Variants in KIAA1549L observed in about 807,000 individuals in gnomAD.
The protein encoded by KIAA1549L is KIAA1549 like, also known as UPF0606 protein KIAA1549L.
KIAA1549L carries 88 observed loss-of-function variants against 160.7 expected under a neutral mutation model. That is an observed-to-expected ratio of 0.55 (90% CI 0.46 to 0.65). The LOEUF is 0.65. Among genes scored for constraint, KIAA1549L ranks in the 30% least tolerant of loss-of-function variants. The pLI is 0.00. For synonymous variants in KIAA1549L, 950 were observed against 976.7 expected, an observed-to-expected ratio of 0.97 and a Z score of 0.51; for missense variants, 2,258 against 2,437.5, an observed-to-expected ratio of 0.93 and a Z score of 1.55.
intron 1 of KIAA1549L, among the ~76,000 whole-genome samples, chr11:33,496,945 T>C (rs543226694): frequency 6.6e-6 from 1 of 152,146 alleles, no homozygotes; most frequent in South Asian, 2.1e-4. Flanking sequence ...CCAGCCTCCT[T>C]TCAACCTCAT....
intron 1 of KIAA1549L, among the ~76,000 whole-genome samples, chr11:33,459,688 G>A (rs545513543): frequency 3.9e-5 from 6 of 151,994 alleles, no homozygotes; most frequent in Non-Finnish European, 5.9e-5. Flanking sequence ...CGGGCCGGGC[G>A]CGGTGGCTCA....
At chr11:33,551,298 G>A (rs1188289463) in intron 5 of KIAA1549L, 39 bp downstream of exon 5, 1 of 1,561,974 alleles carries the variant, frequency 6.4e-7, no homozygotes, top group Admixed American at 1.8e-5. Context: ...ATCCATTCTT[G>A]GGTTCAGGGC....
At chr11:33,622,853 C>G (rs1263350317) in intron 16 of KIAA1549L, among the ~76,000 whole-genome samples, 1 of 152,192 alleles carries the variant, frequency 6.6e-6, no homozygotes, top group Non-Finnish European at 1.5e-5. Context: ...TCTCAGAGCT[C>G]AGTCCACAAC....
chr11:33,542,601 C>T lies in KIAA1549L; in HGVS notation c.1038C>T (p.Ser346=). ...GTTCATCCACACCTGGGTTTTTGAGCCCCATGGCAGAACTGTCCCATCCGT... is the reference window on the plus strand; with the variant it reads ...GTTCATCCACACCTGGGTTTTTGAGTCCCATGGCAGAACTGTCCCATCCGT... The part of the protein sequence containing the change: ...SAGSSTPGFL[S]PMAELSHPSP... The change falls in exon 2 of 21, where the codon AGC becomes AGT. Residue 346 remains serine (S), a synonymous_variant. Transcript: ENST00000658780. The T allele has an allele frequency of 6.2e-7, 1 of 1,613,930 alleles. No individual in the cohort carries two copies. The highest frequency in any genetic ancestry group is 2.2e-5 in the East Asian group (1 of 44,874).
chr11:33,494,047 G>C (rs1852758010), intron 1 of KIAA1549L, among the ~76,000 whole-genome samples: 1 of 152,178 alleles, frequency 6.6e-6, no homozygotes, highest in South Asian at 2.1e-4. Flanking sequence ...ACCACTGCCA[G>C]AGAGGCTGCT....
Position 33,609,952 on chromosome 11 carries a change from C to T in KIAA1549L, c.5265C>T (p.Thr1755=), listed in dbSNP as rs750034764. Residue 1755 remains threonine (T), a synonymous_variant, in exon 15 of 21, where the codon ACC becomes ACT. Coordinates refer to ENST00000658780, the MANE Select transcript of KIAA1549L (RefSeq NM_012194.3). ...ATTCAGAACTCTGTGCTCCATTCAC[C>T]GAGTCTAAAAACAGGTGCAGTCTCT... ...DPDSELCAPF[T]ESKNRQQMKN... The T allele has an allele frequency of 7.4e-6, 12 of 1,613,298 alleles. No homozygotes were observed. The East Asian group carries it at 1.1e-4, about 15-fold the overall frequency.
intron 16 of KIAA1549L, among the ~76,000 whole-genome samples, chr11:33,641,631 T>TATATATATATAC (rs1851589008): frequency 1.1e-5 from 1 of 90,988 alleles, no homozygotes; most frequent in Non-Finnish European, 2.3e-5. Context: ...TATATATATA[T>TATATATATATAC]ATACACAGTG....
rs374472932 is a variant in KIAA1549L, at chr11:33,574,892, T to G, written c.4402+19T>G. ...GCTGACCGTAAGGGAATGGTCTTTT[T>G]ATTCAGTCTTTTTAATGCCATTAAA... is the stretch of plus-strand genomic sequence containing the variant. On this transcript the variant is annotated intron_variant, in intron 10 of 20. Coordinates refer to ENST00000658780, the MANE Select transcript of KIAA1549L (RefSeq NM_012194.3). 1.8e-5 allele frequency: 29 copies of G among 1,602,580 alleles called. No individual in the cohort carries two copies. The African/African-American group carries it at 3.8e-4, about 21-fold the overall frequency.
chr11:33,453,357 G>C (rs1323307432), intron 1 of KIAA1549L, among the ~76,000 whole-genome samples: 1 of 152,188 alleles, frequency 6.6e-6, no homozygotes, highest in Non-Finnish European at 1.5e-5. Context: ...AATTAGCAAA[G>C]TAAGACTGGG....
intron 1 of KIAA1549L, among the ~76,000 whole-genome samples, chr11:33,475,259 C>A: frequency 6.6e-6 from 1 of 152,112 alleles, no homozygotes. Flanking sequence ...TGTATGGATG[C>A]ATATTTATTC....
At chr11:33,660,798 C>T in intron 19 of KIAA1549L, 65 bp from the exon 20 acceptor site, 1 of 1,536,220 alleles carries the variant, frequency 6.5e-7, no homozygotes, top group Non-Finnish European at 8.9e-7. Flanking sequence ...TTATTTGGCT[C>T]TTGGGTGGCT....
rs1201911689 is a variant in KIAA1549L, at chr11:33,583,327, C to T, written c.4403-11C>T. 4 of 1,596,524 alleles carry T rather than the reference C, an allele frequency of 2.5e-6. No individual in the cohort carries two copies. Among genetic ancestry groups the T allele is most frequent in the Non-Finnish European group, 3.4e-6 (4 of 1,171,454 alleles). Reference sequence around the variant, plus strand: ...GCTTGTCATGTCCCTCCTGCTGGCTCTTTCCCACAGCCGTGGTGAAGAACC... The same window carrying T: ...GCTTGTCATGTCCCTCCTGCTGGCTTTTTCCCACAGCCGTGGTGAAGAACC... On this transcript the variant is annotated splice_polypyrimidine_tract_variant and intron_variant, in intron 10 of 20. Transcript: ENST00000658780.
At chr11:33,404,153 A>G (rs1254775263) in intron 1 of KIAA1549L, among the ~76,000 whole-genome samples, 1 of 152,166 alleles carries the variant, frequency 6.6e-6, no homozygotes, top group African/African-American at 2.4e-5. Context: ...GATCCTTTAA[A>G]TCTCCTGTAC....
intron 1 of KIAA1549L, among the ~76,000 whole-genome samples, chr11:33,419,588 G>A (rs1188855878): frequency 2.0e-5 from 3 of 152,048 alleles, no homozygotes; most frequent in Non-Finnish European, 4.4e-5. Flanking sequence ...GCTCACACCT[G>A]TAATCCCAGC....
chr11:33,450,208 T>C (rs1371820624), intron 1 of KIAA1549L, among the ~76,000 whole-genome samples: 4 of 152,062 alleles, frequency 2.6e-5, no homozygotes, highest in African/African-American at 9.7e-5. Context: ...ACGCAGCCAC[T>C]TGGGATGAAA....
intron 11 of KIAA1549L, 55 bp downstream of exon 11, chr11:33,583,556 C>T: frequency 1.3e-6 from 2 of 1,484,540 alleles, no homozygotes; most frequent in Non-Finnish European, 1.8e-6. Flanking sequence ...GGAGCTCAGC[C>T]TGCCTTTCCC....
intron 1 of KIAA1549L, among the ~76,000 whole-genome samples, chr11:33,529,735 C>T (rs1853695235): frequency 6.6e-6 from 1 of 152,082 alleles, no homozygotes; most frequent in Non-Finnish European, 1.5e-5. Context: ...CCAGAGGAAG[C>T]GTCCCATAAA....
chr11:33,428,168 T>C (rs1364431122), intron 1 of KIAA1549L, among the ~76,000 whole-genome samples: 1 of 152,192 alleles, frequency 6.6e-6, no homozygotes, highest in Non-Finnish European at 1.5e-5. Flanking sequence ...GTAGTTCTGT[T>C]TCACTTTTAA....
Position 33,583,437 on chromosome 11 carries a change from T to C in KIAA1549L, c.4502T>C (p.Leu1501Pro), listed in dbSNP as rs1022742341. ...TVIIIIITAV[L>P]CRKNKNDFKP... ...ATCATCATCATCATCACTGCCGTGC[T>C]CTGCAGGAAGAACAAGAACGACTTC... The change falls in exon 11 of 21, where the codon CTC (leucine) becomes CCC (proline). Residue 1501 changes from leucine (L) to proline (P), a missense_variant. By Grantham distance (98) the Leu-to-Pro change is moderately conservative. Transcript: ENST00000658780. 5 of 1,593,206 alleles carry C rather than the reference T, an allele frequency of 3.1e-6. No individual in the cohort carries two copies. Among genetic ancestry groups the C allele is most frequent in the African/African-American group, 1.3e-5 (1 of 74,618 alleles).
Sources: allele counts gnomAD v4.1 joint callset (sites outside exome capture counted in the v4.1 genomes callset), GRCh38; gene constraint gnomAD v4.1.1; transcripts MANE v1.5; gene names NCBI Gene and HGNC (gene_info 2026-07-23, HGNC 2026-07-21).